The following RPS6KA2 variants were observed in gnomAD, a reference collection of about 807,000 sequenced individuals.
The protein encoded by RPS6KA2 is ribosomal protein S6 kinase alpha-2.
RPS6KA2 carries 42 observed loss-of-function variants against 91.8 expected under a neutral mutation model. The observed-to-expected ratio is 0.46, with a 90% CI of 0.36 to 0.59. The LOEUF (loss-of-function observed/expected upper bound fraction) is 0.59. Ranked by LOEUF, RPS6KA2 falls within the 20% of genes least tolerant of loss-of-function variation. The pLI is 0.00. For missense variants in RPS6KA2, 798 were observed against 978.5 expected (o/e 0.82, Z 2.46); for synonymous variants, 414 against 393.6 (o/e 1.05, Z -0.61).
chr6:166,808,934 C>A (rs1779563542), intron 2 of RPS6KA2, among the ~76,000 whole-genome samples: 1 of 152,164 alleles, frequency 6.6e-6, no homozygotes, highest in African/African-American at 2.4e-5. Context: ...AAACAGGGTA[C>A]AGAGGCGAGA....
chr6:166,851,994 A>G (rs1337662996), intron 2 of RPS6KA2, among the ~76,000 whole-genome samples: 7 of 152,184 alleles, frequency 4.6e-5, no homozygotes, highest in Non-Finnish European at 1.5e-5. Context: ...TTCTGCCTCA[A>G]TAAATGCTAA....
intron 11 of RPS6KA2, among the ~76,000 whole-genome samples, chr6:166,461,634 C>A (rs1288234398): frequency 3.9e-5 from 6 of 151,942 alleles, no homozygotes; most frequent in Admixed American, 3.9e-4. Context: ...CGCACTAGCT[C>A]GATCCAGCAC....
At chr6:166,594,921 TG>T (rs1265358041) in intron 1 of RPS6KA2, among the ~76,000 whole-genome samples, 10 of 152,176 alleles carry the variant, frequency 6.6e-5, no homozygotes, top group Non-Finnish European at 1.5e-4. Context: ...AATAACATAA[TG>T]GAAGGAGATC....
At chr6:166,819,459 T>C (rs1436612144) in intron 2 of RPS6KA2, among the ~76,000 whole-genome samples, 1 of 152,188 alleles carries the variant, frequency 6.6e-6, no homozygotes, top group Non-Finnish European at 1.5e-5. Context: ...CAGTCGCTCC[T>C]GTAGGACCTG....
At position 166,411,342 on chromosome 6, in the gene RPS6KA2, CAGAG is replaced by C. The variant is rs1355214835; in HGVS notation, c.*1416_*1419del. On this transcript the variant is annotated 3_prime_UTR_variant, in exon 21 of 21. Coordinates refer to ENST00000265678, the MANE Select transcript of RPS6KA2 (RefSeq NM_021135.6). The surrounding 1 kb of genome is among the most constrained non-coding windows in gnomAD (Gnocchi z 4.5). ...GCACCTCCTGAAGCCCTGCTTGCTGCAGAGGCGCCGCTCTTCAGTGATGCAGGGT... is the reference window on the plus strand; with the variant it reads ...GCACCTCCTGAAGCCCTGCTTGCTGCGCGCCGCTCTTCAGTGATGCAGGGT... The C allele has an allele frequency of 6.6e-6, 1 of 152,068 alleles. No homozygotes were observed. Among genetic ancestry groups the C allele is most frequent in the East Asian group, 1.9e-4 (1 of 5,180 alleles). 9.4% of individuals were successfully genotyped at this position (152,068 alleles called of 1,614,324 possible).
intron 2 of RPS6KA2, among the ~76,000 whole-genome samples, chr6:166,745,146 GCCT>G (rs1202341993): frequency 3.7e-4 from 52 of 141,612 alleles, no homozygotes; most frequent in Admixed American, 1.8e-3. Context: ...GTCCTAATCG[GCCT>G]TTTTTTTTTT....
chr6:166,770,933 G>C lies in RPS6KA2; in HGVS notation c.123+87267C>G, dbSNP rs575202004. ...TTTGCCCTGTGAAAATGGAAACGAA[G>C]AAAGAATTCCTTTAAGTCACAGGAC... On this transcript the variant is annotated intron_variant, in intron 2 of 21. Transcript: ENST00000503859. The surrounding 1 kb of genome is among the most constrained non-coding windows in gnomAD (Gnocchi z 5.1). 3 of 1,592,220 alleles carry C rather than the reference G, an allele frequency of 1.9e-6. No homozygotes were observed. The African/African-American group carries it at 4.0e-5, about 21-fold the overall frequency.
intron 1 of RPS6KA2, among the ~76,000 whole-genome samples, chr6:166,561,496 C>T (rs1268269511): frequency 6.6e-6 from 1 of 151,928 alleles, no homozygotes; most frequent in Admixed American, 6.6e-5. Context: ...CCTACTGCCA[C>T]CCCCTCCCCA....
rs1485013487 is a variant in RPS6KA2 at position 166,821,857 on chromosome 6, C to G, written c.123+36343G>C. On this transcript the variant is annotated intron_variant, in intron 2 of 21. Transcript: ENST00000503859. The surrounding 1 kb of genome is among the most constrained non-coding windows in gnomAD (Gnocchi z 4.1). ...GTTAACGTTGTTGTGTTGGATTCCC[C>G]ACTCAGACACGCTCTTCTCTCCTTC... Among the ~76,000 whole-genome samples the G allele has an allele frequency of 2.6e-5, 4 of 152,174 alleles. No homozygotes were observed. The highest frequency in any genetic ancestry group is 9.7e-5 in the African/African-American group (4 of 41,440).
chr6:166,530,185 C>T (rs1358223781), intron 3 of RPS6KA2, among the ~76,000 whole-genome samples: 1 of 152,222 alleles, frequency 6.6e-6, no homozygotes, highest in East Asian at 1.9e-4. Flanking sequence ...CAAGTGCCGC[C>T]TTCACATCTC....
At chr6:166,608,995 C>T (rs1786058917) in intron 1 of RPS6KA2, among the ~76,000 whole-genome samples, 1 of 152,132 alleles carries the variant, frequency 6.6e-6, no homozygotes, top group Non-Finnish European at 1.5e-5. Context: ...AGGCTCAGCC[C>T]CAGTTCAACC....
chr6:166,793,886 A>C (rs1779158202), intron 2 of RPS6KA2, among the ~76,000 whole-genome samples: 2 of 151,064 alleles, frequency 1.3e-5, no homozygotes, highest in Non-Finnish European at 3.0e-5. Context: ...TGCTACACCT[A>C]AAACCATAAA....
intron 2 of RPS6KA2, among the ~76,000 whole-genome samples, chr6:166,843,540 G>A (rs1419405245): frequency 6.6e-6 from 1 of 152,196 alleles, no homozygotes; most frequent in Non-Finnish European, 1.5e-5. Context: ...TACCTCCACT[G>A]GAGCAGGTGC....
chr6:166,862,452 CCGCTCGGGCTGG>C (rs1485657283), exon 1 of RPS6KA2: 2 of 1,187,210 alleles, frequency 1.7e-6, no homozygotes, highest in Non-Finnish European at 2.2e-6. Flanking sequence ...CTGCCGCTTC[CCGCTCGGGCTGG>C]GGCGAGGAAA....
At chr6:166,456,127 GAC>G (rs1425331464) in intron 12 of RPS6KA2, among the ~76,000 whole-genome samples, 27 of 152,204 alleles carry the variant, frequency 1.8e-4, no homozygotes, top group African/African-American at 6.5e-4. Context: ...AGGCACGGAA[GAC>G]ACAGCCACAA....
chr6:166,764,923 C>T (rs1363205490), intron 2 of RPS6KA2, among the ~76,000 whole-genome samples: 2 of 152,254 alleles, frequency 1.3e-5, no homozygotes, highest in African/African-American at 4.8e-5. Flanking sequence ...AGCACTTTGG[C>T]AGCCTTGACG....
At chr6:166,790,636 G>T (rs957381973) in intron 2 of RPS6KA2, among the ~76,000 whole-genome samples, 2 of 152,242 alleles carry the variant, frequency 1.3e-5, no homozygotes, top group African/African-American at 4.8e-5. Context: ...ACCCACAAAG[G>T]GAAGCCCATC....
At chr6:166,469,332 T>TG (rs1554277822) in intron 11 of RPS6KA2, among the ~76,000 whole-genome samples, 1 of 151,548 alleles carries the variant, frequency 6.6e-6, no homozygotes, top group Non-Finnish European at 1.5e-5. Context: ...TGTTGTTTTT[T>TG]TTTTTTTTTT....
At chr6:166,810,936 A>G (rs1018136018) in intron 2 of RPS6KA2, among the ~76,000 whole-genome samples, 1 of 152,108 alleles carries the variant, frequency 6.6e-6, no homozygotes, top group African/African-American at 2.4e-5. Context: ...ACTTCATACA[A>G]CTCCAGGAGG....
Sources: gnomAD v4.1 joint callset for allele counts (sites outside exome capture counted in the v4.1 genomes callset) on GRCh38, gnomAD v4.1.1 for gene constraint, Gnocchi (gnomAD v3.1) non-coding constraint, MANE v1.5 for transcripts, NCBI Gene and HGNC (gene_info 2026-07-23, HGNC 2026-07-21) for gene names.